Variants in CAD observed in about 807,000 individuals in gnomAD.
CAD encodes multifunctional protein CAD.
A neutral mutation model predicts 237.2 loss-of-function variants in CAD; 81 were observed. That is an observed-to-expected ratio of 0.34 (90% confidence interval 0.29 to 0.41). CAD has a LOEUF of 0.41. CAD is among the 10% of genes least tolerant of loss of function. The pLI is 1.00. For missense variants in CAD, 2,181 were observed against 2,951.7 expected, an observed-to-expected ratio of 0.74 and a Z score of 6.05; for synonymous variants, 1,196 against 1,162.8, an observed-to-expected ratio of 1.03 and a Z score of -0.58.
In CAD at chr2:27,226,039, T is replaced by G. The variant is rs971625256; in HGVS notation, c.1843-92T>G. ...GTATGTCCCTCAGACCCAGGTTAGGTGCAGCCCCAGAGGTAACAGGACCCT... is the reference window on the plus strand; with the variant it reads ...GTATGTCCCTCAGACCCAGGTTAGGGGCAGCCCCAGAGGTAACAGGACCCT... On this transcript the variant is annotated intron_variant, in intron 12 of 43. Coordinates refer to ENST00000264705, the MANE Select transcript of CAD (RefSeq NM_004341.5). 4.0e-6 allele frequency: 6 copies of G among 1,488,814 alleles called. No individual in the cohort carries two copies. In the African/African-American group the frequency reaches 8.3e-5, roughly 21 times the overall value. The allele number at this position is 1,488,814 out of a possible 1,614,324, so 92.2% of individuals were successfully genotyped here. A position where few individuals can be genotyped will look rare whatever the true frequency, so the allele number is the denominator to read the frequency against.
intron 42 of CAD, 72 bp from the exon 43 acceptor site, chr2:27,243,126 G>C (rs1676404579): frequency 6.0e-6 from 9 of 1,492,650 alleles, no homozygotes; most frequent in African/African-American, 4.1e-5. Context: ...GGACCCCAGT[G>C]GAGCCCAGAC....
chr2:27,227,492 G>T (rs192212488), intron 15 of CAD: 2 of 152,836 alleles, frequency 1.3e-5, no homozygotes, highest in East Asian at 3.9e-4. Context: ...AGCATTTTGT[G>T]GTGCTCCAGA....
intron 4 of CAD, 48 bp from the exon 5 acceptor site, chr2:27,222,471 C>T: frequency 1.2e-6 from 2 of 1,602,488 alleles, no homozygotes; most frequent in East Asian, 2.2e-5. Context: ...ATCTTATACC[C>T]ACTGAGCACA....
rs755025407 is a variant in CAD at position 27,234,103 on chromosome 2, G to A, written c.3495G>A (p.Ala1165=). The A allele has an allele frequency of 9.9e-6, 16 of 1,614,138 alleles. No individual in the cohort carries two copies. Among genetic ancestry groups the A allele is most frequent in the East Asian group, 2.2e-5 (1 of 44,886 alleles). The change falls in exon 22 of 44, where the codon GCG becomes GCA. Residue 1165 remains alanine, a synonymous_variant. Coordinates refer to ENST00000264705, the MANE Select transcript of CAD (RefSeq NM_004341.5). ...VENAGVHSGD[A]TLVTPPQDIT... The stretch of plus-strand genomic sequence containing the variant: ...ATGCAGGTGTGCATTCAGGTGATGC[G>A]ACGCTGGTGACCCCCCCACAAGATA...
At chr2:27,230,979 T>A (rs1401471025) in intron 15 of CAD, among the ~76,000 whole-genome samples, 1 of 152,216 alleles carries the variant, frequency 6.6e-6, no homozygotes, top group Non-Finnish European at 1.5e-5. Flanking sequence ...AAAAGAGCTA[T>A]AAGTTAAGAT....
intron 13 of CAD, 64 bp from the exon 14 acceptor site, chr2:27,226,460 TC>T: frequency 1.3e-6 from 2 of 1,586,374 alleles, no homozygotes. Flanking sequence ...TACTTTTCTC[TC>T]CTTTCTGAGA....
intron 15 of CAD, among the ~76,000 whole-genome samples, chr2:27,230,635 AAAC>A (rs1416549374): frequency 6.6e-5 from 10 of 152,204 alleles, no homozygotes; most frequent in Admixed American, 3.3e-4. Context: ...TAAAAAAAAA[AAAC>A]CTATGAACCT....
chr2:27,235,680 C>CA lies in CAD; in HGVS notation c.4074+40_4074+41insA. On this transcript the variant is annotated intron_variant, in intron 25 of 43. Coordinates refer to ENST00000264705, the MANE Select transcript of CAD (RefSeq NM_004341.5). This position sits in a 1 kb window ranked among gnomAD's most constrained non-coding sequence, Gnocchi z 5.2. ...GCAACCTACCCCACTGCTGCCCTTC[C>CA]CCAAGGGGGTGAAAATACTGCACCA... 3 of 1,547,856 alleles carry CA rather than the reference C, an allele frequency of 1.9e-6. No individual in the cohort carries two copies. Among genetic ancestry groups the CA allele is most frequent in the Non-Finnish European group, 2.7e-6 (3 of 1,120,606 alleles).
At chr2:27,221,422 C>A in intron 3 of CAD, 75 bp downstream of exon 3, 3 of 1,268,578 alleles carry the variant, frequency 2.4e-6, no homozygotes, top group Non-Finnish European at 3.1e-6. Context: ...TTTCTGTAAT[C>A]TGCTGGGACC....
At chr2:27,227,678 A>T (rs1327322808) in intron 15 of CAD, 1 of 152,228 alleles carries the variant, frequency 6.6e-6, no homozygotes, top group Non-Finnish European at 1.5e-5. Flanking sequence ...TGGCAAAAAG[A>T]AGTGGATTGA....
intron 12 of CAD, 56 bp from the exon 13 acceptor site, chr2:27,226,075 C>T: frequency 1.3e-6 from 2 of 1,560,030 alleles, no homozygotes; most frequent in Non-Finnish European, 1.8e-6. Context: ...GGGGTGCAGC[C>T]TTCTGCCTCT....
chr2:27,226,389 A>G lies in CAD; in HGVS notation c.2031+70A>G. ...CTTCTTGTATAATTTTTGGCCCTTG[A>G]GGTTGAGGTCTTTTGGGCTTACAGT... On this transcript the variant is annotated intron_variant, in intron 13 of 43. Coordinates refer to ENST00000264705, the MANE Select transcript of CAD (RefSeq NM_004341.5). 8 of 1,566,092 alleles carry G rather than the reference A, an allele frequency of 5.1e-6. No homozygotes were observed. In the South Asian group the frequency reaches 8.0e-5, roughly 16 times the overall value.
intron 10 of CAD, 25 bp downstream of exon 10, chr2:27,224,901 G>T: frequency 6.2e-7 from 1 of 1,614,154 alleles, no homozygotes; most frequent in South Asian, 1.1e-5. Context: ...AGGCTGGAAT[G>T]AAAAGAGGAC....
At chr2:27,219,146 A>G (rs753169185) in intron 2 of CAD, among the ~76,000 whole-genome samples, 2 of 152,208 alleles carry the variant, frequency 1.3e-5, no homozygotes, top group South Asian at 2.1e-4. Flanking sequence ...ACTCGCACAT[A>G]TAAATGGATT....
Position 27,242,526 on chromosome 2 carries a change from C to G in CAD, c.6223-94C>G, listed in dbSNP as rs1676371503. ...GTACAGGACAGCTGCATCAAGGAGG[C>G]CTTCATTCTGCTCCAGAGGCTTTTA... On this transcript the variant is annotated intron_variant, in intron 40 of 43. Transcript: ENST00000264705. The surrounding 1 kb of genome is among the most constrained non-coding windows in gnomAD (Gnocchi z 6.4). 20 of 1,555,858 alleles carry G rather than the reference C, an allele frequency of 1.3e-5. No homozygotes were observed. Among genetic ancestry groups the G allele is most frequent in the Middle Eastern group, 1.7e-4 (1 of 5,792 alleles).
chr2:27,234,170 G>A lies in CAD; in HGVS notation c.3562G>A (p.Ala1188Thr), dbSNP rs1675895940. The A allele has an allele frequency of 6.2e-7, 1 of 1,614,124 alleles. No individual in the cohort carries two copies. Among genetic ancestry groups the A allele is most frequent in the African/African-American group, 1.3e-5 (1 of 74,948 alleles). Reference sequence around the variant, plus strand: ...GGAGCGGATCAAAGCCATTGTGCATGCTGTGGGCCAGGAGCTACAGGTCAC... The same window carrying A: ...GGAGCGGATCAAAGCCATTGTGCATACTGTGGGCCAGGAGCTACAGGTCAC... Reference protein sequence around the residue: ...TLERIKAIVHAVGQELQVTGP... With the variant: ...TLERIKAIVHTVGQELQVTGP... Residue 1188 changes from alanine (A) to threonine (T), a missense_variant, in exon 22 of 44, where the codon GCT becomes ACT. By Grantham distance (58) the Ala-to-Thr change is moderately conservative. Transcript: ENST00000264705.
In CAD at chr2:27,221,258, T is replaced by C. The variant is rs1470844323; in HGVS notation, c.263T>C (p.Val88Ala). Residue 88 changes from valine (V) to alanine (A), a missense_variant, in exon 3 of 44, where the codon GTG (valine) becomes GCG (alanine). Val to Ala is a moderately conservative substitution (Grantham distance 64). Coordinates refer to ENST00000264705, the MANE Select transcript of CAD (RefSeq NM_004341.5). ...GGCATCCACGTAGCAGCACTGGTAG[T>C]GGGAGAGTGCTGTCCTACTCCCAGC... The part of the protein sequence containing the change: ...SSGIHVAALV[V>A]GECCPTPSHW... 1.9e-6 allele frequency: 3 copies of C among 1,584,868 alleles called. No individual in the cohort carries two copies. Among genetic ancestry groups the C allele is most frequent in the South Asian group, 1.2e-5 (1 of 85,524 alleles).
intron 5 of CAD, 88 bp from the exon 6 acceptor site, chr2:27,222,778 T>G: frequency 6.3e-7 from 1 of 1,576,332 alleles, no homozygotes; most frequent in South Asian, 1.1e-5. Flanking sequence ...ACATTGGGAC[T>G]TAACACTCTC....
chr2:27,243,150 A>G (rs1210880372), intron 42 of CAD, 48 bp from the exon 43 acceptor site: 1 of 1,572,602 alleles, frequency 6.4e-7, no homozygotes, highest in South Asian at 1.1e-5. Flanking sequence ...TGTCCTCTGT[A>G]GCCACTCCTA....
Sources: gnomAD v4.1 joint callset for allele counts (sites outside exome capture counted in the v4.1 genomes callset) on GRCh38, gnomAD v4.1.1 for gene constraint, Gnocchi (gnomAD v3.1) non-coding constraint, MANE v1.5 for transcripts, NCBI Gene and HGNC (gene_info 2026-07-23, HGNC 2026-07-21) for gene names.